The following RAF1 variants were observed in gnomAD, a reference collection of about 807,000 sequenced individuals.
RAF1 encodes the protein Raf-1 proto-oncogene, serine/threonine kinase, also known as RAF proto-oncogene serine/threonine-protein kinase.
Under a neutral mutation model 81.1 loss-of-function variants are expected in RAF1, and 27 were observed. The observed-to-expected ratio is 0.33, with a 90% CI of 0.25 to 0.46. The LOEUF (loss-of-function observed/expected upper bound fraction) is 0.46, where lower values mean the gene tolerates loss of function less well. Among genes scored for constraint, RAF1 ranks in the 20% least tolerant of loss-of-function variants. The pLI is 1.00. For missense variants in RAF1, 598 were observed against 826.0 expected, an observed-to-expected ratio of 0.72 and a Z score of 3.38; for synonymous variants, 298 against 294.0, an observed-to-expected ratio of 1.01 and a Z score of -0.14.
At chr3:12,652,035 T>TAAATAAAC (rs1163253773) in intron 1 of RAF1, among the ~76,000 whole-genome samples, 1 of 147,040 alleles carries the variant, frequency 6.8e-6, no homozygotes, top group Admixed American at 6.9e-5. Context: ...AATAAATAAA[T>TAAATAAAC]AAATAAATAA....
Position 12,618,731 on chromosome 3 carries a change from T to C in RAF1, c.-10A>G, listed in dbSNP as rs541255644. 4 of 1,613,754 alleles carry C rather than the reference T, an allele frequency of 2.5e-6. No homozygotes were observed. In the African/African-American group the frequency reaches 5.3e-5, roughly 22 times the overall value. ...CCTGTATGTGCTCCATTGATGCAGC[T>C]TAAACAATTCTTAAACCTGGTAAGA... is the stretch of plus-strand genomic sequence containing the variant. On this transcript the variant is annotated 5_prime_UTR_variant, in exon 2 of 18. Coordinates refer to ENST00000442415, the MANE Select transcript of RAF1 (RefSeq NM_001354689.3).
intron 11 of RAF1, among the ~76,000 whole-genome samples, chr3:12,592,340 G>A (rs1037166742): frequency 6.6e-6 from 1 of 152,196 alleles, no homozygotes; most frequent in African/African-American, 2.4e-5. Flanking sequence ...ACATTTCAGT[G>A]AGACCTAAGA....
rs953008847 is a variant in RAF1, at chr3:12,584,189, T to C, written c.*325A>G. On this transcript the variant is annotated 3_prime_UTR_variant, in exon 18 of 18. Transcript: ENST00000442415. ...CTACCTTACTTCCTCTAAATACTCA[T>C]GTAGCCAACAGCTGGGGCTGGGCCC... 22 of 438,472 alleles carry C rather than the reference T, an allele frequency of 5.0e-5. No homozygotes were observed. Among genetic ancestry groups the C allele is most frequent in the Non-Finnish European group, 6.0e-5 (14 of 234,576 alleles). The allele number at this position is 438,472 out of a possible 1,614,324, so 27.2% of individuals were successfully genotyped here.
chr3:12,591,901 C>T, intron 11 of RAF1, 109 bp from the exon 11 acceptor site: 2 of 894,864 alleles, frequency 2.2e-6, no homozygotes, highest in South Asian at 2.8e-5. Flanking sequence ...AATCACATAC[C>T]TACACAGATA....
chr3:12,601,711 T>C (rs1191210777), intron 8 of RAF1, among the ~76,000 whole-genome samples: 1 of 152,092 alleles, frequency 6.6e-6, no homozygotes, highest in East Asian at 1.9e-4. Flanking sequence ...AACCAAGCTG[T>C]TCCCCTGCTC....
rs1454140763 is a variant in RAF1 at position 12,583,646 on chromosome 3, G to A, written c.*868C>T. 4.3e-6 allele frequency: 1 copy of A among 232,872 alleles called. No homozygotes were observed. Among genetic ancestry groups the A allele is most frequent in the African/African-American group, 2.2e-5 (1 of 45,296 alleles). The allele number at this position is 232,872 out of a possible 1,614,324, so 14.4% of individuals were successfully genotyped here. A position where few individuals can be genotyped will look rare whatever the true frequency, so the allele number is the denominator to read the frequency against. ...TTTTATTAAAATAACATAATTGAGGGACCATCAGATAACTGTATTTTGTCA... is the reference window on the plus strand; with the variant it reads ...TTTTATTAAAATAACATAATTGAGGAACCATCAGATAACTGTATTTTGTCA... On this transcript the variant is annotated 3_prime_UTR_variant, in exon 18 of 18. Transcript: ENST00000442415.
intron 12 of RAF1, 63 bp downstream of exon 11, chr3:12,591,645 T>C: frequency 2.1e-6 from 3 of 1,439,452 alleles, no homozygotes; most frequent in South Asian, 1.1e-5. Context: ...CCACTAACTC[T>C]ACAGTCCTTG....
chr3:12,586,776 TCTC>T (rs1465362625), intron 14 of RAF1: 1 of 152,148 alleles, frequency 6.6e-6, no homozygotes, highest in Non-Finnish European at 1.5e-5. Context: ...AAACAACCCC[TCTC>T]CTCTTCTAAT....
chr3:12,633,919 G>C (rs1356144727), intron 1 of RAF1, among the ~76,000 whole-genome samples: 1 of 115,112 alleles, frequency 8.7e-6, no homozygotes, highest in African/African-American at 3.3e-5. Flanking sequence ...AGGGCAACAA[G>C]AGTAAAAACT....
At chr3:12,596,545 G>A (rs533503367) in intron 11 of RAF1, among the ~76,000 whole-genome samples, 1 of 152,222 alleles carries the variant, frequency 6.6e-6, no homozygotes, top group East Asian at 1.9e-4. Flanking sequence ...GGGCCTGACA[G>A]ATGCTGCTTT....
rs373855160 is a variant in RAF1 at position 12,591,615 on chromosome 3, G to A, written c.1253+93C>T. On this transcript the variant is annotated intron_variant, in intron 12 of 17. Transcript: ENST00000442415. ...CACAGTGAGTCCTAACTGCCTGCCC[G>A]TCCCAACCTGCGGCACAGTCCACTA... is the stretch of plus-strand genomic sequence containing the variant. 21 of 1,161,876 alleles carry A rather than the reference G, an allele frequency of 1.8e-5. 2 individuals carry two copies. Among genetic ancestry groups the A allele is most frequent in the Middle Eastern group, 2.0e-4 (1 of 4,936 alleles). 72.0% of individuals were successfully genotyped at this position (1,161,876 alleles called of 1,614,324 possible).
At chr3:12,651,232 C>T (rs558399421) in intron 1 of RAF1, among the ~76,000 whole-genome samples, 3 of 152,226 alleles carry the variant, frequency 2.0e-5, no homozygotes, top group African/African-American at 7.2e-5. Context: ...CTTTCCTTTC[C>T]TTCTCCCAAT....
intron 8 of RAF1, chr3:12,603,423 G>A (rs1230932868): frequency 1.1e-5 from 7 of 652,252 alleles, no homozygotes. Flanking sequence ...CTGTCTGACA[G>A]TTTTAGCAAT....
intron 11 of RAF1, among the ~76,000 whole-genome samples, chr3:12,598,279 G>A (rs1414189372): frequency 2.0e-5 from 3 of 152,046 alleles, no homozygotes; most frequent in African/African-American, 7.2e-5. Context: ...CCAAAGTGCT[G>A]GGATGACAGG....
At chr3:12,647,036 C>A (rs2125550864) in intron 1 of RAF1, among the ~76,000 whole-genome samples, 1 of 151,600 alleles carries the variant, frequency 6.6e-6, no homozygotes, top group East Asian at 2.0e-4. Flanking sequence ...GTGGCTCACG[C>A]CTGTAATCCC....
In RAF1 at chr3:12,608,765, C is replaced by T; in HGVS notation, c.581+1G>A. ...CCTTGGATAAAAGAACAATGCCTTA[C>T]AAGAGTTGTCTGATGTTACTCCAGT... On this transcript the variant is annotated splice_donor_variant, in intron 5 of 17. Coordinates refer to ENST00000442415, the MANE Select transcript of RAF1 (RefSeq NM_001354689.3). LOFTEE classifies it high-confidence loss of function. The T allele has an allele frequency of 6.2e-7, 1 of 1,613,972 alleles. No homozygotes were observed. The highest frequency in any genetic ancestry group is 8.5e-7 in the Non-Finnish European group (1 of 1,179,830).
intron 1 of RAF1, among the ~76,000 whole-genome samples, chr3:12,655,830 G>C (rs1000041336): frequency 2.0e-5 from 3 of 152,044 alleles, no homozygotes; most frequent in African/African-American, 7.2e-5. Context: ...AAAAAGGCCA[G>C]ATAGTGTATG....
In RAF1 at chr3:12,653,738, CA is replaced by C. The variant is rs796348917; in HGVS notation, c.-27+10074del. On this transcript the variant is annotated intron_variant, in intron 1 of 17. Transcript: ENST00000442415. The stretch of plus-strand genomic sequence containing the variant: ...TGGGCGACAGAGCAAGACTATGTCT[CA>C]AAAAAAAAAAAGTCATCTCTCATGG... Among the ~76,000 whole-genome samples the C allele has an allele frequency of 8.4e-3, 1,194 of 141,432 alleles. 16 individuals are homozygous for C. Among genetic ancestry groups the C allele is most frequent in the African/African-American group, 0.026 (1,020 of 38,748 alleles). 92.8% of individuals were successfully genotyped at this position (141,432 alleles called of 152,430 possible).
intron 15 of RAF1, chr3:12,585,476 T>A: frequency 2.1e-6 from 2 of 971,164 alleles, no homozygotes; most frequent in South Asian, 4.8e-5. Context: ...ACCCAGCTTA[T>A]TAACTCCTCT....
Sources: allele counts gnomAD v4.1 joint callset (sites outside exome capture counted in the v4.1 genomes callset), GRCh38; gene constraint gnomAD v4.1.1; transcripts MANE v1.5; gene names NCBI Gene and HGNC (gene_info 2026-07-23, HGNC 2026-07-21).